Variants in ASAP1 observed in about 807,000 individuals in gnomAD.
The protein encoded by ASAP1 is arf-GAP with SH3 domain, ANK repeat and PH domain-containing protein 1.
ASAP1 carries 43 observed loss-of-function variants against 145.2 expected under a neutral mutation model. The observed-to-expected ratio is 0.30, with a 90% CI of 0.23 to 0.38. ASAP1 has a LOEUF of 0.38. Ranked by LOEUF, ASAP1 falls within the 10% of genes least tolerant of loss-of-function variation. The probability of loss-of-function intolerance (pLI) is 1.00; values close to 1 mark genes in which losing one functional copy is unlikely to be tolerated. For synonymous variants in ASAP1, 546 were observed against 515.5 expected (o/e 1.06, Z -0.80); for missense variants, 1,018 against 1,355.3 (o/e 0.75, Z 3.91).
intron 3 of ASAP1, among the ~76,000 whole-genome samples, chr8:130,279,831 C>T (rs891568697): frequency 2.0e-5 from 3 of 152,148 alleles, no homozygotes; most frequent in East Asian, 3.8e-4. Context: ...TAGTTAGGGG[C>T]GTCCATAACT....
chr8:130,329,733 G>A (rs1243541614), intron 3 of ASAP1, among the ~76,000 whole-genome samples: 1 of 152,166 alleles, frequency 6.6e-6, no homozygotes, highest in East Asian at 1.9e-4. Context: ...AAATCACACA[G>A]ATGCATTACT....
chr8:130,064,497 G>C (rs184384237), intron 27 of ASAP1, among the ~76,000 whole-genome samples: 2 of 152,210 alleles, frequency 1.3e-5, no homozygotes, highest in East Asian at 3.9e-4. Context: ...GTTTTAAGTA[G>C]AGAAGCCTGT....
intron 1 of ASAP1, among the ~76,000 whole-genome samples, chr8:130,438,183 C>A (rs1021141741): frequency 6.6e-6 from 1 of 152,172 alleles, no homozygotes; most frequent in Non-Finnish European, 1.5e-5. Flanking sequence ...GGGACAGGAG[C>A]CCATTTTCTC....
chr8:130,196,458 G>A (rs1395996488), intron 5 of ASAP1, among the ~76,000 whole-genome samples: 1 of 152,222 alleles, frequency 6.6e-6, no homozygotes, highest in Non-Finnish European at 1.5e-5. Flanking sequence ...GCCCTTAAGG[G>A]AGGGCTCACC....
At chr8:130,142,065 G>C (rs574462296) in intron 13 of ASAP1, among the ~76,000 whole-genome samples, 1 of 152,218 alleles carries the variant, frequency 6.6e-6, no homozygotes, top group East Asian at 1.9e-4. Context: ...GGCATCTTAT[G>C]TCATATACTA....
intron 5 of ASAP1, among the ~76,000 whole-genome samples, chr8:130,194,576 C>G (rs1815354620): frequency 6.6e-6 from 1 of 152,162 alleles, no homozygotes; most frequent in African/African-American, 2.4e-5. Flanking sequence ...CTTTCTGGCA[C>G]CAGAGGCTGG....
At chr8:130,099,056 G>A (rs557775347) in intron 24 of ASAP1, among the ~76,000 whole-genome samples, 74 of 144,162 alleles carry the variant, frequency 5.1e-4, no homozygotes, top group African/African-American at 1.7e-3. Flanking sequence ...TGTTGCCCAG[G>A]CTGGAATGCT....
chr8:130,149,226 G>T (rs186383680), intron 13 of ASAP1, among the ~76,000 whole-genome samples: 1 of 147,940 alleles, frequency 6.8e-6, no homozygotes, highest in East Asian at 2.0e-4. Context: ...CTTATACTGT[G>T]TTTAGAACAT....
chr8:130,142,473 C>A (rs1330551593), intron 13 of ASAP1, among the ~76,000 whole-genome samples: 1 of 152,182 alleles, frequency 6.6e-6, no homozygotes, highest in African/African-American at 2.4e-5. Context: ...CTTACTCATT[C>A]ATCATATATT....
chr8:130,135,767 TA>T (rs995572876), intron 14 of ASAP1, among the ~76,000 whole-genome samples: 122 of 152,348 alleles, frequency 8.0e-4, no homozygotes, highest in African/African-American at 2.9e-3. Context: ...CTCTCATAAC[TA>T]GGGGTTTTTG....
chr8:130,121,784 CAAAAAAAAAAAAAA>C (rs56996962), intron 18 of ASAP1, among the ~76,000 whole-genome samples: 3 of 25,406 alleles, frequency 1.2e-4, no homozygotes, highest in Admixed American at 7.6e-4. Flanking sequence ...AATTCCATCT[CAAAAAAAAAAAAAA>C]AAAAAAAAAA....
intron 5 of ASAP1, among the ~76,000 whole-genome samples, chr8:130,191,095 C>T (rs556238002): frequency 2.0e-5 from 3 of 150,590 alleles, no homozygotes; most frequent in African/African-American, 7.3e-5. Context: ...CCTGAGTCTC[C>T]TTGATTTTAA....
intron 4 of ASAP1, among the ~76,000 whole-genome samples, chr8:130,215,104 G>A (rs1816817917): frequency 6.6e-6 from 1 of 151,964 alleles, no homozygotes; most frequent in Non-Finnish European, 1.5e-5. Context: ...GTTTCACCAA[G>A]TTGGTGAGGC....
At chr8:130,310,138 T>TGGGGGGGGGGG (rs368989712) in intron 3 of ASAP1, among the ~76,000 whole-genome samples, 1 of 54,200 alleles carries the variant, frequency 1.8e-5, no homozygotes, top group Non-Finnish European at 3.5e-5. Context: ...CAGTTTTTTT[T>TGGGGGGGGGGG]GGGGGGGGGA....
At chr8:130,278,071 G>GAAA (rs200810772) in intron 3 of ASAP1, among the ~76,000 whole-genome samples, 40 of 108,236 alleles carry the variant, frequency 3.7e-4, no homozygotes, top group African/African-American at 1.3e-3. Flanking sequence ...TTGAAAACCA[G>GAAA]AAAAAAAAAA....
chr8:130,197,822 C>T (rs1046535689), intron 5 of ASAP1, among the ~76,000 whole-genome samples: 1 of 152,182 alleles, frequency 6.6e-6, no homozygotes, highest in East Asian at 1.9e-4. Flanking sequence ...ACAGGCCATA[C>T]AGAAGATTGA....
intron 18 of ASAP1, among the ~76,000 whole-genome samples, chr8:130,121,652 C>T (rs1304810616): frequency 1.3e-5 from 2 of 151,862 alleles, no homozygotes; most frequent in African/African-American, 2.4e-5. Context: ...GGCATAGTGG[C>T]GCATGCCTGT....
intron 3 of ASAP1, among the ~76,000 whole-genome samples, chr8:130,241,715 C>A (rs571809303): frequency 6.6e-6 from 1 of 152,096 alleles, no homozygotes; most frequent in African/African-American, 2.4e-5. Flanking sequence ...TATGACTATA[C>A]AGTCATGAGA....
rs116169408 is a variant in ASAP1 at position 130,146,452 on chromosome 8, G to A, written c.1080+6284C>T. ...CTGGGTTTAACTGGCTCCAAAGTTC[G>A]CCCTCTTACAACTGACAGTGCTGCT... On this transcript the variant is annotated intron_variant, in intron 13 of 29. Coordinates refer to ENST00000518721, the MANE Select transcript of ASAP1 (RefSeq NM_018482.4). Among the ~76,000 whole-genome samples the A allele has an allele frequency of 3.3e-3, 504 of 152,194 alleles. 2 individuals are homozygous for A. Among genetic ancestry groups the A allele is most frequent in the African/African-American group, 0.012 (480 of 41,522 alleles).
Sources: allele counts gnomAD v4.1 joint callset (sites outside exome capture counted in the v4.1 genomes callset), GRCh38; gene constraint gnomAD v4.1.1; transcripts MANE v1.5; gene names NCBI Gene and HGNC (gene_info 2026-07-23, HGNC 2026-07-21).